Variants in DNAH12 observed in about 807,000 individuals in gnomAD.
The protein encoded by DNAH12 is dynein axonemal heavy chain 12, also known as axonemal beta dynein heavy chain 12.
In DNAH12, 285 loss-of-function variants were observed where a neutral mutation model predicts 371.5. The observed-to-expected ratio is 0.77, with a 90% CI of 0.70 to 0.85. The LOEUF is 0.85. Ranked by LOEUF, DNAH12 falls within the 40% of genes least tolerant of loss-of-function variation. The pLI, the probability that DNAH12 is intolerant of heterozygous loss-of-function variation, is 0.00. For synonymous variants in DNAH12, 1,200 were observed against 1,213.0 expected (o/e 0.99, Z 0.22); for missense variants, 3,611 against 3,689.4 (o/e 0.98, Z 0.55).
intron 65 of DNAH12, among the ~76,000 whole-genome samples, chr3:57,318,519 G>A (rs1319826303): frequency 1.3e-5 from 2 of 151,940 alleles, no homozygotes; most frequent in African/African-American, 4.8e-5. Flanking sequence ...TGGTCTGTAT[G>A]TCTGACTTTA....
At chr3:57,358,843 G>A (rs978105945) in intron 58 of DNAH12, among the ~76,000 whole-genome samples, 14 of 152,048 alleles carry the variant, frequency 9.2e-5, no homozygotes, top group African/African-American at 2.7e-4. Flanking sequence ...AGAGTGCAGC[G>A]GCATGATCTC....
rs1027048660 is a variant in DNAH12 at position 57,544,184 on chromosome 3, A to T, written c.-34+13T>A. ...CTGGGAGAGAAAGGAAGAGAACAGC[A>T]GAGAACAAGTACCTGATTGTTTCTC... On this transcript the variant is annotated intron_variant, in intron 1 of 73. Transcript: ENST00000495027. The T allele has an allele frequency of 6.6e-6, 1 of 152,342 alleles. No individual in the cohort carries two copies. The highest frequency in any genetic ancestry group is 2.4e-5 in the African/African-American group (1 of 41,482). 9.4% of individuals were successfully genotyped at this position (152,342 alleles called of 1,614,324 possible).
intron 43 of DNAH12, chr3:57,402,387 T>G: frequency 7.7e-7 from 1 of 1,304,284 alleles, no homozygotes; most frequent in South Asian, 1.2e-5. Flanking sequence ...GCCCCAAGTA[T>G]GCACTCCACT....
At position 57,405,012 on chromosome 3, in the gene DNAH12, A is replaced by G; in HGVS notation, c.6712T>C (p.Tyr2238His). 3 of 1,535,912 alleles carry G rather than the reference A, an allele frequency of 2.0e-6. No individual in the cohort carries two copies. Among genetic ancestry groups the G allele is most frequent in the Non-Finnish European group, 2.6e-6 (3 of 1,142,484 alleles). Residue 2238 changes from tyrosine (Y) to histidine (H), a missense_variant, in exon 42 of 74, where the codon TAT (tyrosine) becomes CAT (histidine). Around this residue, in one of 3 missense-constraint regions of DNAH12, gnomAD observed 2,266 missense variants for 2,236.9 expected, o/e 1.01. Transcript: ENST00000495027. ...SDVVDQCLDE[Y>H]NQTHKTRMNL... ...ATTCTTGTTTTGTGTGTTTGATTAT[A>G]CTCATCTAAGCACTGGTCCACAACA...
In DNAH12 at chr3:57,293,974, T is replaced by C. The variant is rs1396099548; in HGVS notation, c.11693-3A>G. ...CTTTATAATCCGAGATTTTTGAGCT[T>C]GAAAAAAAAAAAGAAATATATTCAC... On this transcript the variant is annotated splice_region_variant and splice_polypyrimidine_tract_variant and intron_variant, in intron 73 of 73. Coordinates refer to ENST00000495027, the MANE Select transcript of DNAH12 (RefSeq NM_001366028.2). The C allele has an allele frequency of 3.6e-6, 5 of 1,386,516 alleles. No homozygotes were observed. The highest frequency in any genetic ancestry group is 4.7e-6 in the Non-Finnish European group (5 of 1,061,472). The allele number at this position is 1,386,516 out of a possible 1,614,324, so 85.9% of individuals were successfully genotyped here.
At chr3:57,392,990 T>TTTGTTG (rs1168007044) in intron 44 of DNAH12, among the ~76,000 whole-genome samples, 1 of 152,122 alleles carries the variant, frequency 6.6e-6, no homozygotes, top group Non-Finnish European at 1.5e-5. Flanking sequence ...AACATGGGTT[T>TTTGTTG]TTGTTGTTGT....
At chr3:57,294,049 TAATAA>T in intron 73 of DNAH12, 78 bp from the exon 74 acceptor site, 4 of 1,252,440 alleles carry the variant, frequency 3.2e-6, no homozygotes, top group Middle Eastern at 2.7e-4. Context: ...ATTTATCTTG[TAATAA>T]AATGGCCAGA....
chr3:57,313,773 C>T (rs996157652), intron 66 of DNAH12, among the ~76,000 whole-genome samples: 2 of 152,144 alleles, frequency 1.3e-5, no homozygotes, highest in African/African-American at 2.4e-5. Context: ...CATCACTGCA[C>T]TGTAGCCTGG....
At chr3:57,353,011 C>T (rs2062718117) in intron 59 of DNAH12, among the ~76,000 whole-genome samples, 3 of 152,040 alleles carry the variant, frequency 2.0e-5, no homozygotes, top group Non-Finnish European at 1.5e-5. Flanking sequence ...ATTGCTTGAA[C>T]CCGGGAGGTG....
chr3:57,403,841 G>A (rs1013594357), intron 42 of DNAH12, among the ~76,000 whole-genome samples: 2 of 152,086 alleles, frequency 1.3e-5, no homozygotes, highest in African/African-American at 4.8e-5. Context: ...TGTGAGAAAA[G>A]ATCATTACCT....
chr3:57,360,612 C>T (rs1011228366), intron 58 of DNAH12, among the ~76,000 whole-genome samples: 2 of 152,050 alleles, frequency 1.3e-5, no homozygotes, highest in Admixed American at 6.6e-5. Flanking sequence ...CGCTTGAACT[C>T]GGAGGCGAAG....
intron 17 of DNAH12, among the ~76,000 whole-genome samples, chr3:57,463,812 G>C (rs2066124189): frequency 6.6e-6 from 1 of 151,982 alleles, no homozygotes; most frequent in African/African-American, 2.4e-5. Flanking sequence ...CCGTCCCCCA[G>C]GCTGGAGTGC....
chr3:57,305,142 T>G (rs1312803892), intron 69 of DNAH12, among the ~76,000 whole-genome samples: 1 of 152,154 alleles, frequency 6.6e-6, no homozygotes, highest in Non-Finnish European at 1.5e-5. Context: ...ATTCTTATTG[T>G]AAAATAGGCA....
At chr3:57,351,384 G>A (rs1356546988) in intron 60 of DNAH12, among the ~76,000 whole-genome samples, 3 of 152,158 alleles carry the variant, frequency 2.0e-5, no homozygotes, top group Non-Finnish European at 4.4e-5. Flanking sequence ...CAATCATTCT[G>A]GAAAACAATT....
intron 13 of DNAH12, among the ~76,000 whole-genome samples, chr3:57,477,152 G>C (rs1419633435): frequency 6.6e-6 from 1 of 152,168 alleles, no homozygotes; most frequent in East Asian, 1.9e-4. Flanking sequence ...GAGTGCAAGG[G>C]GTCAGAGAAT....
chr3:57,402,592 TA>T (rs1553679327), intron 43 of DNAH12, among the ~76,000 whole-genome samples: 1 of 152,204 alleles, frequency 6.6e-6, no homozygotes, highest in East Asian at 1.9e-4. Context: ...TACAGAAAGA[TA>T]AACATTACAT....
At chr3:57,463,980 G>C (rs2066128811) in intron 17 of DNAH12, among the ~76,000 whole-genome samples, 1 of 151,960 alleles carries the variant, frequency 6.6e-6, no homozygotes, top group African/African-American at 2.4e-5. Flanking sequence ...TGAGCAGACA[G>C]TAAGAGAATC....
intron 39 of DNAH12, among the ~76,000 whole-genome samples, chr3:57,411,533 AAAAAAAAAAAAAAAAAAAAAAAG>A (rs1446695891): frequency 9.5e-6 from 1 of 105,430 alleles, no homozygotes. Flanking sequence ...TCTCAAAAAA[AAAAAAAAAAAAAAAAAAAAAAAG>A]AAAGAAAGAA....
intron 17 of DNAH12, among the ~76,000 whole-genome samples, chr3:57,468,053 A>T (rs561179074): frequency 2.2e-4 from 34 of 152,298 alleles, no homozygotes; most frequent in African/African-American, 8.2e-4. Flanking sequence ...ACATTAAAAA[A>T]TTTTAGCATT....
Sources: gnomAD v4.1 joint callset for allele counts (sites outside exome capture counted in the v4.1 genomes callset) on GRCh38, gnomAD v4.1.1 for gene constraint, gnomAD v4.1.1 regional missense constraint, MANE v1.5 for transcripts, NCBI Gene and HGNC (gene_info 2026-07-23, HGNC 2026-07-21) for gene names.